Variants in TACC1 observed in about 807,000 individuals in gnomAD.
The protein encoded by TACC1 is transforming acidic coiled-coil containing protein 1, also known as transforming acidic coiled-coil-containing protein 1.
In TACC1, 48 loss-of-function variants were observed where a neutral mutation model predicts 84.4. That is an observed-to-expected ratio of 0.57 (90% CI 0.45 to 0.72). The LOEUF (loss-of-function observed/expected upper bound fraction) is 0.72. TACC1 is among the 30% of genes least tolerant of loss of function. TACC1 has a pLI of 0.00. For synonymous variants in TACC1, 372 were observed against 376.3 expected, an observed-to-expected ratio of 0.99 and a Z score of 0.13; for missense variants, 920 against 973.0, an observed-to-expected ratio of 0.95 and a Z score of 0.72.
At position 38,843,297 on chromosome 8, in the gene TACC1, A is replaced by T; in HGVS notation, c.2130A>T (p.Glu710Asp). Residue 710 changes from glutamate to aspartate, a missense_variant, in exon 11 of 13, where the codon GAA becomes GAT. Physicochemically the swap from Glu to Asp is conservative, Grantham distance 45. Transcript: ENST00000317827. ...TTTTTGCTTTGGAACAGAATGAAGA[A>T]GCCTTGAAGAAATGTGCTCAGGATT... ...GVLEGFKKNE[E>D]ALKKCAQDYL... 6.3e-7 allele frequency: 1 copy of T among 1,591,920 alleles called. No homozygotes were observed. Among genetic ancestry groups the T allele is most frequent in the Non-Finnish European group, 8.5e-7 (1 of 1,170,242 alleles).
At chr8:38,831,871 A>G (rs1475065213) in intron 6 of TACC1, among the ~76,000 whole-genome samples, 1 of 151,282 alleles carries the variant, frequency 6.6e-6, no homozygotes, top group Non-Finnish European at 1.5e-5. Flanking sequence ...CAGTGACGCA[A>G]TCTCGGCTCA....
At chr8:38,842,122 C>T (rs571889986) in intron 9 of TACC1, among the ~76,000 whole-genome samples, 165 bp from the exon 10 acceptor site, 16 of 152,272 alleles carry the variant, frequency 1.1e-4, no homozygotes, top group African/African-American at 3.9e-4. Context: ...TGTTCTTTCC[C>T]CATCACTTGT....
At chr8:38,796,115 G>GT (rs1165080937) in intron 2 of TACC1, among the ~76,000 whole-genome samples, 1 of 152,170 alleles carries the variant, frequency 6.6e-6, no homozygotes, top group Non-Finnish European at 1.5e-5. Flanking sequence ...TATTAGATGT[G>GT]TTGGGAACAA....
upstream of TACC1, chr8:38,787,056 A>T: frequency 1.1e-6 from 1 of 895,510 alleles, no homozygotes; most frequent in Non-Finnish European, 1.3e-6. Context: ...CCCGGCCCTC[A>T]GTCGGGCCGC....
intron 12 of TACC1, 147 bp downstream of exon 12, chr8:38,846,966 G>A (rs1588175841): frequency 1.1e-6 from 1 of 947,334 alleles, no homozygotes; most frequent in Non-Finnish European, 1.5e-6. Flanking sequence ...ACTGATCCAG[G>A]TGGAAACAAA....
Position 38,842,369 on chromosome 8 carries a change from T to C in TACC1, c.2043T>C (p.Leu681=). Residue 681 remains leucine, a synonymous_variant, in exon 10 of 13, where the codon CTT becomes CTC. Coordinates refer to ENST00000317827, the MANE Select transcript of TACC1 (RefSeq NM_006283.3). ...AGAAGGAACAGGCCCTGGCTGACCT[T>C]AACTCTGTGGAAAGGTCCCTTTCTG... ...TMEKEQALAD[L]NSVERSLSDL... 6.2e-7 allele frequency: 1 copy of C among 1,614,224 alleles called. No individual in the cohort carries two copies. Among genetic ancestry groups the C allele is most frequent in the South Asian group, 1.1e-5 (1 of 91,088 alleles).
intron 6 of TACC1, 56 bp from the exon 7 acceptor site, chr8:38,836,106 G>A (rs1830169351): frequency 1.2e-6 from 2 of 1,600,964 alleles, no homozygotes; most frequent in Admixed American, 1.7e-5. Flanking sequence ...GTTGAAGGAT[G>A]TCTGGGGTTA....
chr8:38,820,953 C>T (rs1287110998), intron 3 of TACC1, among the ~76,000 whole-genome samples: 1 of 152,008 alleles, frequency 6.6e-6, no homozygotes, highest in African/African-American at 2.4e-5. Flanking sequence ...CACCTGTAAT[C>T]CCAGCACTTT....
rs557320904 is a variant in TACC1 at position 38,754,735 on chromosome 8, T to C, written c.26+9242T>C. ...ATCTCAATTCCAGCCTCAGTATACT[T>C]TTACTAATTGTTTATTTTCCCACTT... On this transcript the variant is annotated intron_variant, in intron 3 of 14. Coordinates refer to the TACC1 transcript ENST00000518415. Among the ~76,000 whole-genome samples, 13 of 152,344 alleles carry C rather than the reference T, an allele frequency of 8.5e-5. No individual in the cohort carries two copies. The South Asian group carries it at 2.5e-3, about 29-fold the overall frequency.
At chr8:38,784,716 C>T (rs188122801), upstream of TACC1, among the ~76,000 whole-genome samples, 1 of 152,192 alleles carries the variant, frequency 6.6e-6, no homozygotes, top group African/African-American at 2.4e-5. Flanking sequence ...CTTAGCCAAA[C>T]TCACAAGGAC....
intron 3 of TACC1, chr8:38,757,391 C>A (rs936202474): frequency 1.6e-5 from 20 of 1,258,504 alleles, no homozygotes; most frequent in Non-Finnish European, 1.8e-5. Flanking sequence ...GAGAGGCACC[C>A]GAGACCCACG....
At chr8:38,793,210 T>C (rs906565965) in intron 2 of TACC1, among the ~76,000 whole-genome samples, 4 of 152,176 alleles carry the variant, frequency 2.6e-5, no homozygotes, top group African/African-American at 9.6e-5. Context: ...TTCCCCAGAA[T>C]AGAAGAAAAG....
Position 38,812,383 on chromosome 8 carries a change from A to T in TACC1, c.278-7139A>T, listed in dbSNP as rs1376220988. On this transcript the variant is annotated intron_variant, in intron 2 of 12. Coordinates refer to ENST00000317827, the MANE Select transcript of TACC1 (RefSeq NM_006283.3). ...GACATCATGGACCTACCGATATGTG[A>T]TGTCACCCCCGGCGGCGGCCCAGCT... Among the ~76,000 whole-genome samples the T allele has an allele frequency of 9.9e-5, 15 of 152,164 alleles. No homozygotes were observed. In the East Asian group the frequency reaches 2.7e-3, roughly 27 times the overall value.
chr8:38,788,122 T>G, intron 1 of TACC1: 2 of 206,302 alleles, frequency 9.7e-6, no homozygotes, highest in East Asian at 1.3e-4. Flanking sequence ...TCCCCGGCCC[T>G]TCCCGGGGCC....
chr8:38,736,131 G>A (rs542486952), intron 1 of TACC1, among the ~76,000 whole-genome samples: 272 of 152,266 alleles, frequency 1.8e-3, no homozygotes, highest in Middle Eastern at 6.8e-3. Flanking sequence ...GACCTCCGTG[G>A]TGACACTGTG....
intron 12 of TACC1, among the ~76,000 whole-genome samples, chr8:38,847,591 C>G (rs1832554582): frequency 6.6e-6 from 1 of 152,186 alleles, no homozygotes; most frequent in African/African-American, 2.4e-5. Flanking sequence ...CTGGGAGATT[C>G]AGACTCCAGC....
At chr8:38,784,050 A>G (rs1816656800), upstream of TACC1, among the ~76,000 whole-genome samples, 1 of 152,222 alleles carries the variant, frequency 6.6e-6, no homozygotes, top group Non-Finnish European at 1.5e-5. Context: ...TAGGGTGGCC[A>G]CAGCCTCCTG....
rs907262136 is a variant in TACC1, at chr8:38,848,691, T to G, written c.*668T>G. The G allele has an allele frequency of 6.6e-6, 1 of 152,564 alleles. No individual in the cohort carries two copies. The highest frequency in any genetic ancestry group is 6.5e-5 in the Admixed American group (1 of 15,274). The allele number at this position is 152,564 out of a possible 1,614,324, so 9.5% of individuals were successfully genotyped here. On this transcript the variant is annotated 3_prime_UTR_variant, in exon 13 of 13. Coordinates refer to ENST00000317827, the MANE Select transcript of TACC1 (RefSeq NM_006283.3). ...ACACCAACTTAAGAATTTGGGGGATTAAAGATGTGAAGACCACAGTCTTGG... is the reference window on the plus strand; with the variant it reads ...ACACCAACTTAAGAATTTGGGGGATGAAAGATGTGAAGACCACAGTCTTGG...
intron 2 of TACC1, among the ~76,000 whole-genome samples, 155 bp downstream of exon 2, chr8:38,788,974 G>T (rs1201844931): frequency 6.6e-6 from 1 of 152,164 alleles, no homozygotes; most frequent in Admixed American, 6.5e-5. Flanking sequence ...ATTTTTAGGG[G>T]TGTGGTGATC....
Sources: allele counts gnomAD v4.1 joint callset (sites outside exome capture counted in the v4.1 genomes callset), GRCh38; gene constraint gnomAD v4.1.1; transcripts MANE v1.5; gene names NCBI Gene and HGNC (gene_info 2026-07-23, HGNC 2026-07-21).